TMEM272: variants seen among roughly 807,000 people sequenced by gnomAD.
TMEM272 encodes the protein long intergenic non-protein coding RNA 282.
In TMEM272, 8 loss-of-function variants were observed where a neutral mutation model predicts 3.7. That is an observed-to-expected ratio of 2.17 (90% CI 1.27 to 3.91). TMEM272 has a LOEUF of 3.91. Among genes scored for constraint, TMEM272 ranks in the 30% most tolerant of loss-of-function variants. The pLI is 0.00. For synonymous variants in TMEM272, 63 were observed against 39.8 expected (o/e 1.58, Z -2.20); for missense variants, 166 against 91.5 (o/e 1.81, Z -3.32).
At chr13:51,918,418 C>T in the TMEM272 span, among the ~76,000 whole-genome samples, 5 of 152,064 alleles carry the variant, frequency 3.3e-5, no homozygotes, top group South Asian at 8.3e-4. Flanking sequence ...ACATGGCATC[C>T]GGGATTTACT....
At chr13:51,882,728 A>G in the TMEM272 span, among the ~76,000 whole-genome samples, 1 of 151,688 alleles carries the variant, frequency 6.6e-6, no homozygotes, top group Non-Finnish European at 1.5e-5. Context: ...TTAAAAAATA[A>G]AAAATAAATA....
In TMEM272 at chr13:51,816,963, A is replaced by G. The variant is rs1956034924; in HGVS notation, c.352T>C (p.Trp118Arg). The G allele has an allele frequency of 1.4e-6, 1 of 703,056 alleles. No homozygotes were observed. The highest frequency in any genetic ancestry group is 1.5e-5 in the South Asian group (1 of 67,602). The allele number at this position is 703,056 out of a possible 1,614,324, so 43.6% of individuals were successfully genotyped here. The change falls in exon 5 of 5, where the codon TGG becomes CGG. Residue 118 changes from tryptophan to arginine, a missense_variant. Physicochemically the swap from Trp to Arg is moderately radical, Grantham distance 101. Transcript: ENST00000629372. ...ACCCAGTAGTTTCCCAGGATGAACC[A>G]GAGGAAGAGGAAGAGGCTCAGCAGG... ...HLLLSLFLFLWFILGNYWVFS... is the reference protein window; with the variant it reads ...HLLLSLFLFLRFILGNYWVFS...
At chr13:51,904,556 G>T in the TMEM272 span, among the ~76,000 whole-genome samples, 1 of 152,024 alleles carries the variant, frequency 6.6e-6, no homozygotes, top group African/African-American at 2.4e-5. Flanking sequence ...AAAGAAGGAG[G>T]CTCTAGATCA....
At position 51,814,401 on chromosome 13, in the gene TMEM272, TATGA is replaced by T. The variant is rs2139536251; in HGVS notation, c.*2346_*2349del. ...CCACTGAACCATTCAGTGTCCCCTCTATGAATGGATGCACATGAACATTTTCTTT... is the reference window on the plus strand; with the variant it reads ...CCACTGAACCATTCAGTGTCCCCTCTATGGATGCACATGAACATTTTCTTT... On this transcript the variant is annotated 3_prime_UTR_variant, in exon 5 of 5. Coordinates refer to ENST00000629372, the MANE Select transcript of TMEM272 (RefSeq NM_001351003.2). The T allele has an allele frequency of 6.6e-6, 1 of 152,366 alleles. No individual in the cohort carries two copies. Among genetic ancestry groups the T allele is most frequent in the East Asian group, 1.9e-4 (1 of 5,182 alleles). 9.4% of individuals were successfully genotyped at this position (152,366 alleles called of 1,614,324 possible).
the TMEM272 span, among the ~76,000 whole-genome samples, chr13:51,919,397 C>T: frequency 2.0e-5 from 3 of 152,064 alleles, no homozygotes; most frequent in East Asian, 5.8e-4. Flanking sequence ...CTGAAGGCCC[C>T]GACACACCTC....
At chr13:51,933,013 C>T in the TMEM272 span, 2 of 152,062 alleles carry the variant, frequency 1.3e-5, no homozygotes, top group Admixed American at 1.3e-4. Context: ...CAACAGCGCG[C>T]TTGGATTTTA....
chr13:51,865,759 T>C, the TMEM272 span: 2 of 1,614,084 alleles, frequency 1.2e-6, no homozygotes, highest in Non-Finnish European at 1.7e-6. Flanking sequence ...AGTACCGCAC[T>C]TTCTGGAAGG....
the TMEM272 span, among the ~76,000 whole-genome samples, chr13:51,870,460 T>A: frequency 6.6e-6 from 1 of 152,048 alleles, no homozygotes; most frequent in African/African-American, 2.4e-5. Flanking sequence ...GAAATGAGAA[T>A]GAAAGAGAAG....
At chr13:51,872,660 A>G in the TMEM272 span, among the ~76,000 whole-genome samples, 1 of 152,218 alleles carries the variant, frequency 6.6e-6, no homozygotes, top group Non-Finnish European at 1.5e-5. Flanking sequence ...TACAGAGAAA[A>G]AGTGGAAGAG....
chr13:51,894,250 A>G, the TMEM272 span, among the ~76,000 whole-genome samples: 1 of 152,222 alleles, frequency 6.6e-6, no homozygotes, highest in African/African-American at 2.4e-5. Context: ...TTCAGGAACT[A>G]AAGCAAAGGC....
the TMEM272 span, among the ~76,000 whole-genome samples, chr13:51,863,691 A>ACACACACACACACACAC: frequency 1.5e-5 from 2 of 130,996 alleles, no homozygotes; most frequent in African/African-American, 2.8e-5. Flanking sequence ...ACACACACAC[A>ACACACACACACACACAC]CACACACACA....
chr13:51,859,493 G>A, the TMEM272 span, among the ~76,000 whole-genome samples: 5 of 110,838 alleles, frequency 4.5e-5, no homozygotes, highest in African/African-American at 1.1e-4. Flanking sequence ...CTGCACCCCC[G>A]ACTCCCAACC....
the TMEM272 span, chr13:51,908,548 G>A: frequency 2.0e-6 from 3 of 1,484,510 alleles, no homozygotes; most frequent in South Asian, 1.1e-5. Flanking sequence ...GAAGCAAGAG[G>A]TGGAGGAACA....
chr13:51,839,761 ACT>A (rs1956245474), intron 1 of TMEM272, among the ~76,000 whole-genome samples: 1 of 151,908 alleles, frequency 6.6e-6, no homozygotes, highest in African/African-American at 2.4e-5. Flanking sequence ...CAGGCAAGTC[ACT>A]CCACCGCCAG....
At chr13:51,924,490 G>C in the TMEM272 span, among the ~76,000 whole-genome samples, 1 of 152,180 alleles carries the variant, frequency 6.6e-6, no homozygotes, top group African/African-American at 2.4e-5. Flanking sequence ...CAGTGGGGTT[G>C]AGTCTAGGGA....
At chr13:51,830,770 A>G (rs117271340) in intron 2 of TMEM272, among the ~76,000 whole-genome samples, 1,630 of 152,256 alleles carry the variant, frequency 0.011, 16 homozygotes, top group South Asian at 0.024. Context: ...AGACTGTTCT[A>G]CACCTTAACT....
At chr13:51,826,763 C>T (rs1005576129) in intron 2 of TMEM272, 138 bp from the exon 3 acceptor site, 15 of 643,602 alleles carry the variant, frequency 2.3e-5, no homozygotes, top group African/African-American at 1.4e-4. Flanking sequence ...AGGAGAAGGT[C>T]GCAGCTCGCC....
the TMEM272 span, among the ~76,000 whole-genome samples, chr13:51,850,446 A>C: frequency 1.3e-5 from 2 of 152,374 alleles, no homozygotes; most frequent in South Asian, 4.1e-4. Context: ...GAATGGAGAC[A>C]CCAGTCAGCT....
At chr13:51,843,477 T>C (rs1956278678) in intron 1 of TMEM272, among the ~76,000 whole-genome samples, 1 of 152,112 alleles carries the variant, frequency 6.6e-6, no homozygotes, top group Non-Finnish European at 1.5e-5. Context: ...ATAGAGCAAA[T>C]ACATACTAAT....
Sources: gnomAD v4.1 joint callset for allele counts (sites outside exome capture counted in the v4.1 genomes callset) on GRCh38, gnomAD v4.1.1 for gene constraint, MANE v1.5 for transcripts, NCBI Gene and HGNC (gene_info 2026-07-23, HGNC 2026-07-21) for gene names.